Variants in CDH13 observed in about 807,000 individuals in gnomAD.
CDH13 encodes the protein cadherin-13.
CDH13 carries 24 observed loss-of-function variants against 63.8 expected under a neutral mutation model. The observed-to-expected ratio is 0.38, with a 90% CI of 0.27 to 0.53. The LOEUF is 0.53. Among genes scored for constraint, CDH13 ranks in the 20% least tolerant of loss-of-function variants. The pLI is 0.85. For synonymous variants in CDH13, 503 were observed against 355.3 expected (o/e 1.42, Z -4.67); for missense variants, 1,049 against 903.1 (o/e 1.16, Z -2.07).
chr16:83,255,911 A>T (rs1906203111), intron 5 of CDH13, among the ~76,000 whole-genome samples: 1 of 152,172 alleles, frequency 6.6e-6, no homozygotes, highest in Non-Finnish European at 1.5e-5. Context: ...CTTGGCACAT[A>T]GTTGGCATAG....
intron 8 of CDH13, among the ~76,000 whole-genome samples, chr16:83,661,454 G>A (rs998228306): frequency 6.7e-6 from 1 of 149,474 alleles, no homozygotes; most frequent in Non-Finnish European, 1.5e-5. Context: ...CTGCACTCCA[G>A]CCTGGGTGAC....
At chr16:83,376,451 A>C (rs975361716) in intron 6 of CDH13, among the ~76,000 whole-genome samples, 2 of 152,238 alleles carry the variant, frequency 1.3e-5, no homozygotes, top group Admixed American at 6.5e-5. Context: ...GAACAGACGC[A>C]GGACAGAAAT....
chr16:83,299,069 C>T (rs987545542), intron 5 of CDH13, among the ~76,000 whole-genome samples: 1 of 152,138 alleles, frequency 6.6e-6, no homozygotes, highest in African/African-American at 2.4e-5. Flanking sequence ...TCCTTTCAGA[C>T]ATTTTTAGTA....
chr16:83,042,535 T>A lies in CDH13; in HGVS notation c.366+10317T>A, dbSNP rs1163656462. Reference sequence around the variant, plus strand: ...CGTTGTATACTTATCTCATTGTATATTACAATTAACTAATAATAGAAATAA... The same window carrying A: ...CGTTGTATACTTATCTCATTGTATAATACAATTAACTAATAATAGAAATAA... On this transcript the variant is annotated intron_variant, in intron 3 of 13. Transcript: ENST00000567109. 2.6e-5 allele frequency among the ~76,000 whole-genome samples: 4 copies of A among 152,128 alleles called. No individual in the cohort carries two copies. The East Asian group carries it at 7.7e-4, about 29-fold the overall frequency.
intron 12 of CDH13, among the ~76,000 whole-genome samples, chr16:83,782,349 A>T (rs1171864946): frequency 6.6e-6 from 1 of 152,182 alleles, no homozygotes; most frequent in Admixed American, 6.5e-5. Flanking sequence ...CGCACATGAC[A>T]TCAGGGAAGT....
intron 8 of CDH13, among the ~76,000 whole-genome samples, chr16:83,653,683 TAGAA>T (rs1912601877): frequency 6.6e-6 from 1 of 152,156 alleles, no homozygotes; most frequent in Admixed American, 6.5e-5. Context: ...GGAAGAGGTT[TAGAA>T]AGGAAGAAAT....
chr16:83,351,880 A>T (rs992639124), intron 6 of CDH13, among the ~76,000 whole-genome samples: 1 of 152,236 alleles, frequency 6.6e-6, no homozygotes, highest in Non-Finnish European at 1.5e-5. Context: ...ACACACAAAC[A>T]TACTGATGGA....
At chr16:83,744,146 G>A (rs932460624) in intron 10 of CDH13, among the ~76,000 whole-genome samples, 3 of 152,152 alleles carry the variant, frequency 2.0e-5, no homozygotes, top group African/African-American at 7.2e-5. Flanking sequence ...AGCATTCTGT[G>A]TGTCTATTGA....
chr16:82,931,958 G>A (rs889020965), intron 2 of CDH13, among the ~76,000 whole-genome samples: 1 of 152,096 alleles, frequency 6.6e-6, no homozygotes, highest in Non-Finnish European at 1.5e-5. Context: ...TTGACCCTAA[G>A]TGGATGTTCA....
At position 83,167,535 on chromosome 16, in the gene CDH13, G is replaced by A. The variant is rs192308094; in HGVS notation, c.483+42034G>A. 3.5e-3 allele frequency among the ~76,000 whole-genome samples: 513 copies of A among 146,390 alleles called. 4 individuals carry two copies. Among genetic ancestry groups the A allele is most frequent in the Non-Finnish European group, 5.4e-3 (362 of 67,080 alleles). ...AAAAAAAAAAAAGCATTACAAGTTG[G>A]AGTAGCCTGGGCTCCCGTGTTGGCT... On this transcript the variant is annotated intron_variant, in intron 4 of 13. Transcript: ENST00000567109.
intron 1 of CDH13, among the ~76,000 whole-genome samples, chr16:82,732,662 G>A (rs1567477193): frequency 6.6e-6 from 1 of 152,192 alleles, no homozygotes; most frequent in Non-Finnish European, 1.5e-5. Flanking sequence ...AAAGCCAGCA[G>A]CAGTTAATTT....
chr16:83,559,336 C>T (rs1050557943), intron 7 of CDH13, among the ~76,000 whole-genome samples: 1 of 152,092 alleles, frequency 6.6e-6, no homozygotes, highest in Non-Finnish European at 1.5e-5. Context: ...CTTTGGGAGG[C>T]CGAGGCAGGT....
At chr16:83,076,679 A>C (rs565431734) in intron 3 of CDH13, among the ~76,000 whole-genome samples, 4 of 152,028 alleles carry the variant, frequency 2.6e-5, no homozygotes, top group African/African-American at 9.6e-5. Flanking sequence ...CATCCACCTT[A>C]CTTTTTATGC....
intron 2 of CDH13, among the ~76,000 whole-genome samples, chr16:82,895,474 C>A (rs550872187): frequency 6.6e-6 from 1 of 152,288 alleles, no homozygotes; most frequent in African/African-American, 2.4e-5. Context: ...CTCACTGGTT[C>A]TCCTCAAGTG....
At position 82,846,313 on chromosome 16, in the gene CDH13, A is replaced by T. The variant is rs143395814; in HGVS notation, c.46-12049A>T. Among the ~76,000 whole-genome samples the T allele has an allele frequency of 4.0e-3, 607 of 151,962 alleles. 1 individual carries two copies. The highest frequency in any genetic ancestry group is 0.014 in the African/African-American group (568 of 41,498). ...TTTATTTCCACAATACTTTATACAT[A>T]CCCTCTATATTAATATAACTATAAT... On this transcript the variant is annotated intron_variant, in intron 1 of 13. Transcript: ENST00000567109.
chr16:83,601,702 G>C (rs1907811460), intron 7 of CDH13, among the ~76,000 whole-genome samples: 1 of 152,108 alleles, frequency 6.6e-6, no homozygotes, highest in Non-Finnish European at 1.5e-5. Flanking sequence ...AGTTCCTAAA[G>C]CTGCCATCTT....
intron 3 of CDH13, among the ~76,000 whole-genome samples, chr16:83,084,292 G>A (rs889656403): frequency 6.6e-6 from 1 of 152,176 alleles, no homozygotes; most frequent in African/African-American, 2.4e-5. Flanking sequence ...CCTGGGAAAA[G>A]TTTGTTTTGA....
chr16:83,317,089 C>T (rs1470634978), intron 5 of CDH13, among the ~76,000 whole-genome samples: 1 of 152,198 alleles, frequency 6.6e-6, no homozygotes, highest in Non-Finnish European at 1.5e-5. Context: ...ATTGGTATCC[C>T]ATGGATGAAA....
chr16:83,022,880 A>G (rs1319909647), intron 2 of CDH13: 1 of 152,232 alleles, frequency 6.6e-6, no homozygotes, highest in East Asian at 1.9e-4. Flanking sequence ...ATAGCACAAA[A>G]TTCATATATT....
Sources: gnomAD v4.1 joint callset for allele counts (sites outside exome capture counted in the v4.1 genomes callset) on GRCh38, gnomAD v4.1.1 for gene constraint, MANE v1.5 for transcripts, NCBI Gene and HGNC (gene_info 2026-07-23, HGNC 2026-07-21) for gene names.